The following ABHD12B variants were observed in gnomAD, a reference collection of about 807,000 sequenced individuals.
ABHD12B encodes the protein abhydrolase domain containing 12B, also known as protein ABHD12B.
ABHD12B carries 42 observed loss-of-function variants against 50.4 expected under a neutral mutation model. That is an observed-to-expected ratio of 0.83 (90% CI 0.65 to 1.08). The LOEUF is 1.08. ABHD12B is among the 50% of genes least tolerant of loss of function. ABHD12B has a pLI of 0.00. For missense variants in ABHD12B, 479 were observed against 447.7 expected, an observed-to-expected ratio of 1.07 and a Z score of -0.63; for synonymous variants, 167 against 160.3, an observed-to-expected ratio of 1.04 and a Z score of -0.32.
At chr14:50,900,181 C>T (rs931880735) in intron 9 of ABHD12B, among the ~76,000 whole-genome samples, 2 of 152,108 alleles carry the variant, frequency 1.3e-5, no homozygotes, top group Admixed American at 1.3e-4. Context: ...TGCAGTGAGC[C>T]ATGAGCATGC....
intron 3 of ABHD12B, 128 bp from the exon 4 acceptor site, chr14:50,880,324 C>A: frequency 1.0e-6 from 1 of 994,246 alleles, no homozygotes; most frequent in Non-Finnish European, 1.3e-6. Flanking sequence ...TTTATTTTTG[C>A]CATGTGCATA....
At chr14:50,882,994 T>G (rs1282355488) in intron 5 of ABHD12B, among the ~76,000 whole-genome samples, 1 of 83,200 alleles carries the variant, frequency 1.2e-5, no homozygotes, top group South Asian at 4.7e-4. Flanking sequence ...AAAAAAGTCA[T>G]TGAAACCCTG....
At position 50,885,624 on chromosome 14, in the gene ABHD12B, A is replaced by C. The variant is rs1286803469; in HGVS notation, c.497A>C (p.Asp166Ala). 1 of 1,614,066 alleles carries C rather than the reference A, an allele frequency of 6.2e-7. No homozygotes were observed. Among genetic ancestry groups the C allele is most frequent in the African/African-American group, 1.3e-5 (1 of 74,908 alleles). Reference protein sequence around the residue: ...HRLKLVKVLSDGGFHVLSVDY... With the variant: ...HRLKLVKVLSAGGFHVLSVDY... Reference sequence around the variant, plus strand: ...TCCTTTGTTACCTAGGTGCTGAGTGATGGTGGCTTTCATGTCTTGTCTGTT... The same window carrying C: ...TCCTTTGTTACCTAGGTGCTGAGTGCTGGTGGCTTTCATGTCTTGTCTGTT... Residue 166 changes from aspartate (D) to alanine (A), a missense_variant, in exon 6 of 13, where the codon GAT becomes GCT. By Grantham distance (126) the Asp-to-Ala change is moderately radical. Coordinates refer to ENST00000337334, the MANE Select transcript of ABHD12B (RefSeq NM_001206673.2).
chr14:50,899,565 T>A (rs1250387122), intron 9 of ABHD12B, among the ~76,000 whole-genome samples: 1 of 152,158 alleles, frequency 6.6e-6, no homozygotes, highest in South Asian at 2.1e-4. Flanking sequence ...CTTGGCCATG[T>A]CCCATTTACT....
At position 50,885,663 on chromosome 14, in the gene ABHD12B, T is replaced by C; in HGVS notation, c.532+4T>C. 1 of 1,614,194 alleles carries C rather than the reference T, an allele frequency of 6.2e-7. No homozygotes were observed. Among genetic ancestry groups the C allele is most frequent in the Non-Finnish European group, 8.5e-7 (1 of 1,180,034 alleles). ...GTCTTGTCTGTTGACTACAGAGGTA[T>C]GTGTTAAGAACGGTGTACAAAGATG... On this transcript the variant is annotated splice_donor_region_variant and intron_variant, in intron 6 of 12. Transcript: ENST00000337334.
At chr14:50,899,682 G>C (rs916673710) in intron 9 of ABHD12B, among the ~76,000 whole-genome samples, 5 of 152,194 alleles carry the variant, frequency 3.3e-5, no homozygotes, top group Middle Eastern at 3.4e-3. Flanking sequence ...CCAGCACTTT[G>C]GGAGGCTGAG....
intron 9 of ABHD12B, chr14:50,891,431 G>A (rs1054769149): frequency 2.0e-5 from 3 of 152,238 alleles, no homozygotes; most frequent in Non-Finnish European, 4.4e-5. Flanking sequence ...TTTTAGTAGA[G>A]ACGGGGTTTC....
At chr14:50,881,767 A>T in intron 5 of ABHD12B, 141 bp downstream of exon 5, 4 of 930,858 alleles carry the variant, frequency 4.3e-6, no homozygotes, top group Non-Finnish European at 5.1e-6. Flanking sequence ...TCTGGGGCTC[A>T]AAGTCCCACC....
intron 9 of ABHD12B, 146 bp downstream of exon 9, chr14:50,889,049 T>G (rs907527241): frequency 7.9e-5 from 46 of 581,898 alleles, no homozygotes; most frequent in Admixed American, 3.9e-4. Context: ...CTGAGACAGT[T>G]TATTAACCAG....
chr14:50,895,022 AAAG>A (rs2050177170), intron 9 of ABHD12B, among the ~76,000 whole-genome samples: 1 of 149,578 alleles, frequency 6.7e-6, no homozygotes, highest in Non-Finnish European at 1.5e-5. Flanking sequence ...GGCTGGAGCT[AAAG>A]GCATAGTCAA....
chr14:50,892,469 AGGCAGTGGAGGAG>A (rs1385873479), intron 9 of ABHD12B: 3 of 985,246 alleles, frequency 3.0e-6, no homozygotes, highest in Admixed American at 1.2e-4. Flanking sequence ...CCGCTAAGGT[AGGCAGTGGAGGAG>A]GGGCGGGAGG....
intron 5 of ABHD12B, among the ~76,000 whole-genome samples, chr14:50,882,571 A>G (rs8005407): frequency 0.89 from 134,700 of 151,132 alleles, 60,305 homozygotes; most frequent in Middle Eastern, 0.98. Flanking sequence ...TAGTAGAGAC[A>G]GGGTTTCACC....
At chr14:50,888,548 A>G (rs1449812238) in intron 8 of ABHD12B, among the ~76,000 whole-genome samples, 1 of 151,914 alleles carries the variant, frequency 6.6e-6, no homozygotes, top group Non-Finnish European at 1.5e-5. Context: ...GTGTTCTTAG[A>G]AGAAGGTAGT....
chr14:50,903,225 A>C (rs559180598), intron 10 of ABHD12B, among the ~76,000 whole-genome samples, 164 bp from the exon 11 acceptor site: 1 of 152,178 alleles, frequency 6.6e-6, no homozygotes, highest in Non-Finnish European at 1.5e-5. Flanking sequence ...AAAAGCTACT[A>C]TGTGAAATTT....
intron 7 of ABHD12B, among the ~76,000 whole-genome samples, chr14:50,886,225 G>A (rs2050035076): frequency 6.6e-6 from 1 of 152,002 alleles, no homozygotes; most frequent in Non-Finnish European, 1.5e-5. Context: ...ATCACTTGAG[G>A]CCAGGAGTTC....
intron 1 of ABHD12B, among the ~76,000 whole-genome samples, chr14:50,872,563 A>G (rs1373003640): frequency 6.6e-6 from 1 of 152,216 alleles, no homozygotes; most frequent in Non-Finnish European, 1.5e-5. Context: ...TACAGATGCC[A>G]GGGAGATGGT....
intron 9 of ABHD12B, chr14:50,895,865 G>T (rs1035973780): frequency 6.6e-6 from 1 of 151,966 alleles, no homozygotes; most frequent in Non-Finnish European, 1.5e-5. Context: ...CCCAACTCTG[G>T]TGCCAACTTA....
intron 1 of ABHD12B, 33 bp from the exon 2 acceptor site, chr14:50,877,919 C>T (rs543539204): frequency 1.6e-5 from 24 of 1,465,324 alleles, no homozygotes; most frequent in African/African-American, 4.3e-5. Flanking sequence ...GGATTAATTT[C>T]GAAAACCTTG....
chr14:50,895,874 T>C (rs2050192176), intron 9 of ABHD12B, among the ~76,000 whole-genome samples: 1 of 152,198 alleles, frequency 6.6e-6, no homozygotes, highest in South Asian at 2.1e-4. Context: ...GGTGCCAACT[T>C]AGACAATACT....
Sources: gnomAD v4.1 joint callset for allele counts (sites outside exome capture counted in the v4.1 genomes callset) on GRCh38, gnomAD v4.1.1 for gene constraint, MANE v1.5 for transcripts, NCBI Gene and HGNC (gene_info 2026-07-23, HGNC 2026-07-21) for gene names.